The following EYS variants were observed in gnomAD, a reference collection of about 807,000 sequenced individuals.
EYS encodes the protein protein eyes shut homolog.
EYS carries 250 observed loss-of-function variants against 282.1 expected under a neutral mutation model. The observed-to-expected ratio is 0.89, with a 90% CI of 0.80 to 0.98. The LOEUF (loss-of-function observed/expected upper bound fraction) is 0.98, where lower values mean the gene tolerates loss of function less well. Among genes scored for constraint, EYS ranks in the 50% least tolerant of loss-of-function variants. EYS has a pLI of 0.00. For synonymous variants in EYS, 1,355 were observed against 1,282.9 expected (o/e 1.06, Z -1.20); for missense variants, 4,016 against 3,709.0 (o/e 1.08, Z -2.15).
intron 36 of EYS, among the ~76,000 whole-genome samples, chr6:63,846,316 A>G (rs890627555): frequency 1.3e-5 from 2 of 152,130 alleles, no homozygotes; most frequent in African/African-American, 4.8e-5. Context: ...GGTGCATGTT[A>G]AGGCATCCAC....
At chr6:64,341,210 T>C (rs1389077107) in intron 29 of EYS, among the ~76,000 whole-genome samples, 1 of 151,726 alleles carries the variant, frequency 6.6e-6, no homozygotes, top group African/African-American at 2.4e-5. Context: ...TGGCCATATA[T>C]CCAAAGGAAT....
intron 26 of EYS, among the ~76,000 whole-genome samples, chr6:64,534,053 G>T (rs1254576793): frequency 6.6e-6 from 1 of 151,698 alleles, no homozygotes; most frequent in Non-Finnish European, 1.5e-5. Flanking sequence ...GAGAACTTTT[G>T]CTATAATGGG....
intron 22 of EYS, among the ~76,000 whole-genome samples, chr6:64,798,570 G>A (rs1367201824): frequency 6.8e-6 from 1 of 147,930 alleles, no homozygotes; most frequent in African/African-American, 2.5e-5. Context: ...CTACAGACCT[G>A]GTTTGAAGAT....
chr6:65,145,647 T>C (rs1282576237), intron 12 of EYS, among the ~76,000 whole-genome samples: 1 of 152,024 alleles, frequency 6.6e-6, no homozygotes, highest in Non-Finnish European at 1.5e-5. Flanking sequence ...GAAATTAAAA[T>C]CTGACAAATT....
chr6:64,308,778 A>G (rs990206626), intron 29 of EYS, among the ~76,000 whole-genome samples: 2 of 152,060 alleles, frequency 1.3e-5, no homozygotes, highest in Admixed American at 1.3e-4. Context: ...CTCACCTGGT[A>G]ATACTCTGTC....
intron 12 of EYS, among the ~76,000 whole-genome samples, chr6:65,234,351 G>A (rs898638100): frequency 6.6e-6 from 1 of 152,118 alleles, no homozygotes; most frequent in Non-Finnish European, 1.5e-5. Flanking sequence ...TTCTATCAAG[G>A]AACTCCTACA....
chr6:65,374,816 C>G (rs1261395066), intron 8 of EYS, among the ~76,000 whole-genome samples: 1 of 152,128 alleles, frequency 6.6e-6, no homozygotes, highest in African/African-American at 2.4e-5. Context: ...CTGCTATAGC[C>G]AGACTGCCTT....
intron 29 of EYS, among the ~76,000 whole-genome samples, chr6:64,386,049 T>C (rs1184955600): frequency 6.6e-6 from 1 of 152,180 alleles, no homozygotes; most frequent in Non-Finnish European, 1.5e-5. Flanking sequence ...CACCATCTCC[T>C]GTGCAGACTC....
chr6:64,179,142 T>C (rs1477869037), intron 31 of EYS, among the ~76,000 whole-genome samples: 1 of 152,064 alleles, frequency 6.6e-6, no homozygotes, highest in African/African-American at 2.4e-5. Context: ...AACTAAAGAA[T>C]GTATGTCCAA....
chr6:65,609,522 GTATAA>G (rs1765919734), intron 2 of EYS, among the ~76,000 whole-genome samples: 1 of 151,940 alleles, frequency 6.6e-6, no homozygotes, highest in Non-Finnish European at 1.5e-5. Flanking sequence ...TTCTCATTCA[GTATAA>G]TATAATTTCA....
At chr6:64,240,696 A>G in intron 30 of EYS, among the ~76,000 whole-genome samples, 1 of 152,180 alleles carries the variant, frequency 6.6e-6, no homozygotes, top group East Asian at 1.9e-4. Flanking sequence ...GTCATCTGCA[A>G]ACAGAGACAA....
intron 35 of EYS, among the ~76,000 whole-genome samples, chr6:63,970,153 C>A (rs1417072838): frequency 1.3e-5 from 2 of 152,198 alleles, no homozygotes; most frequent in Non-Finnish European, 2.9e-5. Context: ...CTCCAGGGCC[C>A]TGACACCTGC....
At chr6:65,106,924 G>A (rs529598818) in intron 12 of EYS, among the ~76,000 whole-genome samples, 2 of 152,088 alleles carry the variant, frequency 1.3e-5, no homozygotes, top group African/African-American at 2.4e-5. Flanking sequence ...GGCTGGGTTT[G>A]AGAAAAAGAA....
chr6:64,854,345 C>A (rs1474891583), intron 19 of EYS, among the ~76,000 whole-genome samples: 6 of 151,986 alleles, frequency 3.9e-5, no homozygotes, highest in African/African-American at 1.2e-4. Context: ...GACTTGGAAC[C>A]AACCCAAATG....
intron 19 of EYS, among the ~76,000 whole-genome samples, chr6:64,845,014 T>C (rs1431679614): frequency 1.3e-5 from 2 of 152,106 alleles, no homozygotes; most frequent in Non-Finnish European, 2.9e-5. Flanking sequence ...TAAATTTTAG[T>C]GTGGTGGCTC....
At chr6:65,704,860 A>AT (rs1466397744) in intron 1 of EYS, among the ~76,000 whole-genome samples, 2 of 152,144 alleles carry the variant, frequency 1.3e-5, no homozygotes, top group Admixed American at 1.3e-4. Flanking sequence ...CCTGAGGCAC[A>AT]TTTTCTAATC....
chr6:63,878,458 C>G (rs1191365744), intron 35 of EYS, among the ~76,000 whole-genome samples: 3 of 152,214 alleles, frequency 2.0e-5, no homozygotes, highest in Non-Finnish European at 4.4e-5. Flanking sequence ...TATCCATTCT[C>G]AGATCTCAAA....
intron 26 of EYS, among the ~76,000 whole-genome samples, chr6:64,546,595 T>C (rs1266975030): frequency 3.9e-5 from 6 of 152,088 alleles, no homozygotes; most frequent in Non-Finnish European, 8.8e-5. Flanking sequence ...ACCTACAGAA[T>C]GGGAGAAAGT....
intron 15 of EYS, 58 bp downstream of exon 15, chr6:64,945,735 C>A: frequency 6.7e-7 from 1 of 1,487,766 alleles, no homozygotes; most frequent in South Asian, 1.3e-5. Context: ...GGATGTATCC[C>A]AAGGACACTG....
Sources: gnomAD v4.1 joint callset for allele counts (sites outside exome capture counted in the v4.1 genomes callset) on GRCh38, gnomAD v4.1.1 for gene constraint, MANE v1.5 for transcripts, NCBI Gene and HGNC (gene_info 2026-07-23, HGNC 2026-07-21) for gene names.